The following IFT88 variants were observed in gnomAD, a reference collection of about 807,000 sequenced individuals.
The protein encoded by IFT88 is intraflagellar transport 88.
In IFT88, 74 loss-of-function variants were observed where a neutral mutation model predicts 119.5. The ratio of observed to expected loss-of-function variants is 0.62; its 90% CI spans 0.51 to 0.75. The LOEUF is 0.75. Among genes scored for constraint, IFT88 ranks in the 30% least tolerant of loss-of-function variants. The probability of loss-of-function intolerance (pLI) is 0.00; values close to 1 mark genes in which losing one functional copy is unlikely to be tolerated. For missense variants in IFT88, 961 were observed against 977.7 expected, an observed-to-expected ratio of 0.98 and a Z score of 0.23; for synonymous variants, 279 against 316.7, an observed-to-expected ratio of 0.88 and a Z score of 1.26.
chr13:20,686,456 C>T (rs1188565998), intron 24 of IFT88, among the ~76,000 whole-genome samples: 1 of 152,222 alleles, frequency 6.6e-6, no homozygotes, highest in Non-Finnish European at 1.5e-5. Context: ...GTGGCTGCAT[C>T]TCCTTTTGCC....
At chr13:20,585,064 C>T (rs1422608416) in intron 3 of IFT88, among the ~76,000 whole-genome samples, 1 of 152,230 alleles carries the variant, frequency 6.6e-6, no homozygotes, top group African/African-American at 2.4e-5. Flanking sequence ...TTCTCCCGTC[C>T]TCCCTGTCCT....
intron 24 of IFT88, among the ~76,000 whole-genome samples, chr13:20,675,290 T>C (rs1464640794): frequency 6.6e-6 from 1 of 152,186 alleles, no homozygotes; most frequent in Non-Finnish European, 1.5e-5. Flanking sequence ...GTCACTTCTC[T>C]AAGGATCATG....
intron 24 of IFT88, among the ~76,000 whole-genome samples, chr13:20,674,702 TTA>T (rs1177876016): frequency 0.059 from 5,346 of 90,370 alleles, 184 homozygotes; most frequent in Non-Finnish European, 0.073. Flanking sequence ...AACTGAAGTT[TTA>T]TATATATATA....
At chr13:20,598,948 G>T (rs112086859) in intron 10 of IFT88, among the ~76,000 whole-genome samples, 195 bp downstream of exon 10, 5 of 152,044 alleles carry the variant, frequency 3.3e-5, no homozygotes, top group Middle Eastern at 3.4e-3. Flanking sequence ...TTAGTATGAG[G>T]TATATTGCCT....
rs1179250427 is a variant in IFT88 at position 20,598,632 on chromosome 13, A to G, written c.595-19A>G. 12 of 1,521,096 alleles carry G rather than the reference A, an allele frequency of 7.9e-6. No homozygotes were observed. Among genetic ancestry groups the G allele is most frequent in the Admixed American group, 1.7e-5 (1 of 59,700 alleles). 94.2% of individuals were successfully genotyped at this position (1,521,096 alleles called of 1,614,324 possible). On this transcript the variant is annotated intron_variant, in intron 9 of 25. Transcript: ENST00000351808. Reference sequence around the variant, plus strand: ...TAAAGTGGTCTTATGTGTCTTTTCTATAATATTTTCTTCCTTAGGTTCTTT... The same window carrying G: ...TAAAGTGGTCTTATGTGTCTTTTCTGTAATATTTTCTTCCTTAGGTTCTTT...
intron 2 of IFT88, among the ~76,000 whole-genome samples, chr13:20,575,068 T>G (rs936219562): frequency 6.6e-6 from 1 of 151,186 alleles, no homozygotes; most frequent in Admixed American, 6.6e-5. Context: ...TCTTTTTGTT[T>G]TTTTTTTTGT....
chr13:20,658,739 C>T (rs990214975), intron 22 of IFT88, among the ~76,000 whole-genome samples: 1 of 152,186 alleles, frequency 6.6e-6, no homozygotes, highest in Non-Finnish European at 1.5e-5. Flanking sequence ...TCTCTCACCC[C>T]TAGATATGAA....
At chr13:20,650,151 C>G (rs910347446) in intron 20 of IFT88, among the ~76,000 whole-genome samples, 1 of 151,956 alleles carries the variant, frequency 6.6e-6, no homozygotes, top group African/African-American at 2.4e-5. Flanking sequence ...TATCCTTATC[C>G]TAAAGGTAAA....
chr13:20,662,502 AAAG>A (rs918608486), intron 22 of IFT88, among the ~76,000 whole-genome samples: 5 of 152,186 alleles, frequency 3.3e-5, no homozygotes, highest in Non-Finnish European at 7.3e-5. Flanking sequence ...CACAACAAAA[AAAG>A]AGAATTTTAG....
chr13:20,598,962 AG>A (rs1243378690), intron 10 of IFT88, among the ~76,000 whole-genome samples: 2 of 152,092 alleles, frequency 1.3e-5, no homozygotes, highest in African/African-American at 4.8e-5. Context: ...ATTGCCTAAT[AG>A]TATCCTGTTA....
At chr13:20,678,828 C>A (rs2056995834) in intron 24 of IFT88, among the ~76,000 whole-genome samples, 1 of 152,170 alleles carries the variant, frequency 6.6e-6, no homozygotes, top group South Asian at 2.1e-4. Context: ...CGGTGGGCTA[C>A]TTCTCGCAAG....
intron 14 of IFT88, among the ~76,000 whole-genome samples, chr13:20,621,884 T>A (rs1200704300): frequency 2.0e-5 from 3 of 152,194 alleles, no homozygotes; most frequent in Non-Finnish European, 4.4e-5. Flanking sequence ...TCTCCTGTGT[T>A]GTACCTATTC....
intron 13 of IFT88, among the ~76,000 whole-genome samples, chr13:20,608,936 G>A (rs1023287456): frequency 3.9e-5 from 6 of 152,226 alleles, no homozygotes; most frequent in African/African-American, 9.6e-5. Flanking sequence ...AAGGATCTTC[G>A]AGAAATCATG....
chr13:20,689,369 A>T (rs943860027), intron 24 of IFT88, among the ~76,000 whole-genome samples: 1 of 152,222 alleles, frequency 6.6e-6, no homozygotes, highest in South Asian at 2.1e-4. Flanking sequence ...ACATCTGTGT[A>T]AAAAGTGAAA....
At chr13:20,589,325 C>T (rs2040264178) in intron 3 of IFT88, among the ~76,000 whole-genome samples, 1 of 152,064 alleles carries the variant, frequency 6.6e-6, no homozygotes, top group Non-Finnish European at 1.5e-5. Flanking sequence ...TCGATGTGCT[C>T]CTATTTGATT....
At chr13:20,644,161 G>A (rs576379595) in intron 19 of IFT88, among the ~76,000 whole-genome samples, 9 of 152,286 alleles carry the variant, frequency 5.9e-5, no homozygotes, top group Admixed American at 4.6e-4. Flanking sequence ...AAGACCAAGA[G>A]ATGAAGAACA....
chr13:20,586,182 T>A (rs1249927620), intron 3 of IFT88, among the ~76,000 whole-genome samples: 1 of 152,212 alleles, frequency 6.6e-6, no homozygotes, highest in East Asian at 1.9e-4. Flanking sequence ...TATCTGTAAC[T>A]GGGATAGTGT....
intron 24 of IFT88, among the ~76,000 whole-genome samples, chr13:20,682,995 A>G (rs766067985): frequency 3.3e-5 from 5 of 152,228 alleles, no homozygotes; most frequent in African/African-American, 7.2e-5. Context: ...GGAGAAGGCA[A>G]TCCTGGCTGC....
rs575586282 is a variant in IFT88, at chr13:20,637,349, C to T, written c.1387-983C>T. Among the ~76,000 whole-genome samples the T allele has an allele frequency of 2.0e-5, 3 of 152,208 alleles. No homozygotes were observed. In the South Asian group the frequency reaches 6.2e-4, roughly 32 times the overall value. The stretch of plus-strand genomic sequence containing the variant: ...ACTGTGAGTGTTATGGGAAAAGGGG[C>T]ATGGGAATTTAATGTTATACAGTTG... On this transcript the variant is annotated intron_variant, in intron 16 of 25. Transcript: ENST00000351808.
Sources: gnomAD v4.1 joint callset for allele counts (sites outside exome capture counted in the v4.1 genomes callset) on GRCh38, gnomAD v4.1.1 for gene constraint, MANE v1.5 for transcripts, NCBI Gene and HGNC (gene_info 2026-07-23, HGNC 2026-07-21) for gene names.